The following IL1R1 variants were observed in gnomAD, a reference collection of about 807,000 sequenced individuals.
The protein encoded by IL1R1 is interleukin-1 receptor type 1.
A neutral mutation model predicts 50.2 loss-of-function variants in IL1R1; 22 were observed. The ratio of observed to expected loss-of-function variants is 0.44; its 90% CI spans 0.31 to 0.63. The LOEUF (loss-of-function observed/expected upper bound fraction) is 0.63, where lower values mean the gene tolerates loss of function less well. IL1R1 is among the 20% of genes least tolerant of loss of function. The probability of loss-of-function intolerance (pLI) is 0.07; values close to 1 mark genes in which losing one functional copy is unlikely to be tolerated. For missense variants in IL1R1, 509 were observed against 676.2 expected, an observed-to-expected ratio of 0.75 and a Z score of 2.74; for synonymous variants, 251 against 236.7, an observed-to-expected ratio of 1.06 and a Z score of -0.55.
chr2:102,096,943 C>G (rs1471802110), intron 1 of IL1R1, among the ~76,000 whole-genome samples: 1 of 150,870 alleles, frequency 6.6e-6, no homozygotes, highest in Non-Finnish European at 1.5e-5. Context: ...ATATGCTTTG[C>G]CTGTTGTCCC....
At chr2:102,162,310 G>A (rs1011337371) in intron 3 of IL1R1, among the ~76,000 whole-genome samples, 1 of 152,060 alleles carries the variant, frequency 6.6e-6, no homozygotes, top group Admixed American at 6.6e-5. Context: ...ATGTGTTTAT[G>A]TTAGGCACCA....
In IL1R1 at chr2:102,172,856, T is replaced by C; in HGVS notation, c.991+18T>C. 4.5e-6 allele frequency: 7 copies of C among 1,566,380 alleles called. No individual in the cohort carries two copies. The highest frequency in any genetic ancestry group is 6.1e-6 in the Non-Finnish European group (7 of 1,147,104). ...ATATCCAGGTAAACAACAAACTAAT[T>C]GAAATGCAGTTTTGTTTTACTGTAG... On this transcript the variant is annotated intron_variant, in intron 9 of 11. Transcript: ENST00000410023.
intron 7 of IL1R1, among the ~76,000 whole-genome samples, chr2:102,170,200 T>G (rs1168628349): frequency 6.6e-6 from 1 of 152,208 alleles, no homozygotes; most frequent in Admixed American, 6.5e-5. Context: ...AAACAGGCAA[T>G]AAGATCCAAT....
At chr2:102,093,334 G>A (rs911592993) in intron 1 of IL1R1, among the ~76,000 whole-genome samples, 2 of 152,172 alleles carry the variant, frequency 1.3e-5, no homozygotes, top group Non-Finnish European at 2.9e-5. Flanking sequence ...AAACCCTTGT[G>A]AGTCTTCATT....
At position 102,096,875 on chromosome 2, in the gene IL1R1, CTT is replaced by C. The variant is rs11300476; in HGVS notation, c.-84+26357_-84+26358del. The stretch of plus-strand genomic sequence containing the variant: ...AGTATGAGATTCATCTGAAGTGGAT[CTT>C]TTTTTTTTTTTTTTCTGCATGGGAT... On this transcript the variant is annotated intron_variant, in intron 1 of 11. Transcript: ENST00000409929. 9.3e-3 allele frequency among the ~76,000 whole-genome samples: 1,288 copies of C among 137,870 alleles called. 25 individuals are homozygous for C. Among genetic ancestry groups the C allele is most frequent in the African/African-American group, 0.029 (1,082 of 37,418 alleles). 90.4% of individuals were successfully genotyped at this position (137,870 alleles called of 152,430 possible). A position where few individuals can be genotyped will look rare whatever the true frequency, so the allele number is the denominator to read the frequency against.
At chr2:102,100,018 C>T (rs1294853873), upstream of IL1R1, among the ~76,000 whole-genome samples, 1 of 152,122 alleles carries the variant, frequency 6.6e-6, no homozygotes, top group Non-Finnish European at 1.5e-5. Flanking sequence ...GCTGTAGAAA[C>T]CTGTTCTGCA....
chr2:102,092,263 A>G (rs1679702479), intron 1 of IL1R1, among the ~76,000 whole-genome samples: 3 of 152,102 alleles, frequency 2.0e-5, no homozygotes, highest in Admixed American at 2.0e-4. Context: ...ATGTTGGCAG[A>G]GGGGCGGGAG....
At chr2:102,083,228 T>G (rs557626810) in intron 1 of IL1R1, among the ~76,000 whole-genome samples, 17 of 152,272 alleles carry the variant, frequency 1.1e-4, no homozygotes, top group African/African-American at 3.6e-4. Flanking sequence ...ATTTCCACAC[T>G]TCAGAGGACA....
At chr2:102,119,872 T>C (rs190073398) in intron 1 of IL1R1, among the ~76,000 whole-genome samples, 1 of 152,318 alleles carries the variant, frequency 6.6e-6, no homozygotes. Context: ...CTCACTATAG[T>C]CACCACGTTG....
intron 1 of IL1R1, among the ~76,000 whole-genome samples, chr2:102,096,888 T>C (rs1679927748): frequency 6.6e-6 from 1 of 151,946 alleles, no homozygotes; most frequent in South Asian, 2.1e-4. Context: ...TTTTTTTTTT[T>C]TTTCTGCATG....
In IL1R1 at chr2:102,174,514, A is replaced by C. The variant is rs541566828; in HGVS notation, c.992-73A>C. 7.5e-5 allele frequency: 87 copies of C among 1,166,930 alleles called. No individual in the cohort carries two copies. In the African/African-American group the frequency reaches 1.3e-3, roughly 17 times the overall value. The allele number at this position is 1,166,930 out of a possible 1,614,324, so 72.3% of individuals were successfully genotyped here. On this transcript the variant is annotated intron_variant, in intron 9 of 11. Transcript: ENST00000410023. ...GGGCTCTCTGAGACGAAGATATTTA[A>C]TTTGCTGTGCTCAAAGTTTTAATTC...
At chr2:102,092,580 C>T (rs181794586) in intron 1 of IL1R1, among the ~76,000 whole-genome samples, 1 of 152,128 alleles carries the variant, frequency 6.6e-6, no homozygotes, top group East Asian at 1.9e-4. Context: ...TATTCATTTC[C>T]TCATTAATGA....
chr2:102,161,740 C>T (rs1684747349), intron 3 of IL1R1, among the ~76,000 whole-genome samples: 1 of 152,080 alleles, frequency 6.6e-6, no homozygotes, highest in African/African-American at 2.4e-5. Flanking sequence ...CTCTGTGTCA[C>T]CCAGGCTGGA....
Position 102,174,696 on chromosome 2 carries a change from C to T in IL1R1, c.1101C>T (p.Tyr367=). The change falls in exon 10 of 12, where the codon TAC becomes TAT. Residue 367 remains tyrosine, a synonymous_variant. Transcript: ENST00000410023. The part of the protein sequence containing the change: ...KIFKIDIVLW[Y]RDSCYDFLPI... ...TCAAGATTGACATTGTGCTTTGGTA[C>T]AGGGATTCCTGCTATGATTTTCTCC... 2 of 1,610,094 alleles carry T rather than the reference C, an allele frequency of 1.2e-6. No homozygotes were observed. Among genetic ancestry groups the T allele is most frequent in the Non-Finnish European group, 1.7e-6 (2 of 1,178,664 alleles).
At chr2:102,141,313 G>T (rs949215578), upstream of IL1R1, among the ~76,000 whole-genome samples, 8 of 152,220 alleles carry the variant, frequency 5.3e-5, no homozygotes, top group Admixed American at 4.6e-4. Flanking sequence ...ACTCTGACGT[G>T]ACTGATCTGA....
At chr2:102,079,014 C>CA (rs1347481387) in intron 1 of IL1R1, among the ~76,000 whole-genome samples, 1 of 152,044 alleles carries the variant, frequency 6.6e-6, no homozygotes, top group African/African-American at 2.4e-5. Flanking sequence ...TAGATGCAGA[C>CA]AAAATGTCTG....
chr2:102,136,633 C>T (rs1682361831), intron 1 of IL1R1, among the ~76,000 whole-genome samples: 1 of 152,148 alleles, frequency 6.6e-6, no homozygotes, highest in African/African-American at 2.4e-5. Context: ...TCCTCGGCCT[C>T]CCAAAGTGCT....
At chr2:102,157,628 C>A in intron 2 of IL1R1, 91 bp from the exon 3 acceptor site, 1 of 771,944 alleles carries the variant, frequency 1.3e-6, no homozygotes, top group Non-Finnish European at 2.3e-6. Context: ...AGGGTGGGGA[C>A]AGGGCCGGTG....
At chr2:102,130,916 G>A (rs543118835) in intron 1 of IL1R1, among the ~76,000 whole-genome samples, 1 of 152,278 alleles carries the variant, frequency 6.6e-6, no homozygotes, top group East Asian at 1.9e-4. Context: ...AGGAAGGATA[G>A]TGATCCCTGA....
Sources: allele counts gnomAD v4.1 joint callset (sites outside exome capture counted in the v4.1 genomes callset), GRCh38; gene constraint gnomAD v4.1.1; transcripts MANE v1.5; gene names NCBI Gene and HGNC (gene_info 2026-07-23, HGNC 2026-07-21).